ECHDC1: variants seen among roughly 807,000 people sequenced by gnomAD.
ECHDC1 encodes the protein ethylmalonyl-CoA decarboxylase.
ECHDC1 carries 29 observed loss-of-function variants against 29.7 expected under a neutral mutation model. The ratio of observed to expected loss-of-function variants is 0.98; its 90% confidence interval spans 0.73 to 1.33. The LOEUF (loss-of-function observed/expected upper bound fraction) is 1.33. Ranked by LOEUF, ECHDC1 falls within the 40% of genes most tolerant of loss-of-function variation. The probability of loss-of-function intolerance (pLI) is 0.00; values close to 1 mark genes in which losing one functional copy is unlikely to be tolerated. For missense variants in ECHDC1, 328 were observed against 350.0 expected (o/e 0.94, Z 0.50); for synonymous variants, 126 against 123.1 (o/e 1.02, Z -0.15).
chr6:127,336,211 T>C lies in ECHDC1; in HGVS notation c.-2-5181A>G, dbSNP rs555868987. Among the ~76,000 whole-genome samples, 11 of 152,232 alleles carry C rather than the reference T, an allele frequency of 7.2e-5. No homozygotes were observed. In the East Asian group the frequency reaches 1.9e-3, roughly 27 times the overall value. Reference sequence around the variant, plus strand: ...TAATTTAGTGCAATAATAGGTACTTTACCAGTACTACATAAAATTACCGGG... The same window carrying C: ...TAATTTAGTGCAATAATAGGTACTTCACCAGTACTACATAAAATTACCGGG... On this transcript the variant is annotated intron_variant, in intron 1 of 5. Transcript: ENST00000454859.
intron 2 of ECHDC1, among the ~76,000 whole-genome samples, chr6:127,328,823 G>A (rs1043576873): frequency 3.3e-5 from 5 of 152,016 alleles, no homozygotes; most frequent in Non-Finnish European, 7.4e-5. Flanking sequence ...TCAGGAGATC[G>A]AGACCATCCT....
intron 5 of ECHDC1, among the ~76,000 whole-genome samples, chr6:127,310,573 T>C (rs1332444411): frequency 2.0e-5 from 3 of 152,180 alleles, no homozygotes; most frequent in African/African-American, 7.2e-5. Flanking sequence ...TGATAAAACC[T>C]GACTAGATGA....
intron 5 of ECHDC1, among the ~76,000 whole-genome samples, chr6:127,295,666 A>G (rs1214958404): frequency 6.6e-6 from 1 of 152,234 alleles, no homozygotes; most frequent in Admixed American, 6.5e-5. Flanking sequence ...TGCTGGTGGT[A>G]ATATAAATTA....
chr6:127,297,865 T>G (rs1312498504), intron 5 of ECHDC1, among the ~76,000 whole-genome samples: 4 of 152,184 alleles, frequency 2.6e-5, no homozygotes, highest in Admixed American at 2.0e-4. Context: ...CCCTCTCCAC[T>G]ACAAAGAGCT....
chr6:127,297,844 C>G (rs1254056641), intron 5 of ECHDC1, among the ~76,000 whole-genome samples: 1 of 152,078 alleles, frequency 6.6e-6, no homozygotes, highest in African/African-American at 2.4e-5. Flanking sequence ...AAACAGCAAC[C>G]CACTCAGGCC....
chr6:127,297,565 C>G (rs1399727886), intron 5 of ECHDC1, among the ~76,000 whole-genome samples: 2 of 152,164 alleles, frequency 1.3e-5, no homozygotes, highest in African/African-American at 2.4e-5. Flanking sequence ...CAAGGCCCAA[C>G]AGAGAAGCCT....
chr6:127,292,235 T>A (rs2114546738), intron 5 of ECHDC1, among the ~76,000 whole-genome samples: 1 of 152,184 alleles, frequency 6.6e-6, no homozygotes, highest in African/African-American at 2.4e-5. Context: ...GTTAAAGTCC[T>A]AGATGTTGGA....
chr6:127,327,286 G>T (rs982770243), intron 2 of ECHDC1, 142 bp from the exon 3 acceptor site: 20 of 906,826 alleles, frequency 2.2e-5, no homozygotes, highest in Non-Finnish European at 3.2e-5. Flanking sequence ...AATGCCTACT[G>T]CACTGGCACT....
At chr6:127,304,141 G>A (rs2114584736) in intron 5 of ECHDC1, among the ~76,000 whole-genome samples, 1 of 152,308 alleles carries the variant, frequency 6.6e-6, no homozygotes, top group Admixed American at 6.5e-5. Context: ...CCTAGTGGCG[G>A]TGGCCATAGG....
chr6:127,338,366 T>A (rs1453523910), intron 1 of ECHDC1, among the ~76,000 whole-genome samples: 3 of 152,240 alleles, frequency 2.0e-5, no homozygotes, highest in East Asian at 3.9e-4. Context: ...CTCCTTTTAT[T>A]GAGCTCTACT....
chr6:127,317,048 C>T (rs1290186896), intron 3 of ECHDC1, among the ~76,000 whole-genome samples: 1 of 152,040 alleles, frequency 6.6e-6, no homozygotes, highest in African/African-American at 2.4e-5. Flanking sequence ...TGCCTTATCC[C>T]AAAATCTCTC....
At chr6:127,304,891 A>G (rs948937175) in intron 5 of ECHDC1, among the ~76,000 whole-genome samples, 2 of 152,182 alleles carry the variant, frequency 1.3e-5, no homozygotes, top group African/African-American at 2.4e-5. Context: ...AAAAAGATAA[A>G]AAAGCATCCC....
At chr6:127,305,729 C>T (rs1273166151) in intron 5 of ECHDC1, among the ~76,000 whole-genome samples, 3 of 152,000 alleles carry the variant, frequency 2.0e-5, no homozygotes, top group Non-Finnish European at 4.4e-5. Context: ...CAGTTGTTAT[C>T]AGCTTAAAAT....
At chr6:127,329,257 T>C (rs1783682448) in intron 2 of ECHDC1, among the ~76,000 whole-genome samples, 2 of 152,140 alleles carry the variant, frequency 1.3e-5, no homozygotes, top group Admixed American at 1.3e-4. Flanking sequence ...AGTATCTAAC[T>C]GAATGATTTT....
intron 5 of ECHDC1, among the ~76,000 whole-genome samples, chr6:127,306,544 C>T (rs1781455078): frequency 6.6e-6 from 1 of 152,088 alleles, no homozygotes; most frequent in African/African-American, 2.4e-5. Flanking sequence ...GTGTAGTACC[C>T]TTCCCCTTTT....
In ECHDC1 at chr6:127,316,432, A is replaced by C; in HGVS notation, c.416+18T>G. On this transcript the variant is annotated intron_variant, in intron 4 of 5. Coordinates refer to ENST00000454859, the MANE Select transcript of ECHDC1 (RefSeq NM_001002030.2). ...TTGGTCTTTTAGAAATCATATTTTA[A>C]AAAGAAGGCTGCATTACCTCATAAA... The C allele has an allele frequency of 6.3e-7, 1 of 1,592,226 alleles. No homozygotes were observed.
chr6:127,303,231 CA>C (rs1327315987), intron 5 of ECHDC1, among the ~76,000 whole-genome samples: 2 of 149,168 alleles, frequency 1.3e-5, no homozygotes, highest in African/African-American at 4.9e-5. Context: ...TATATGAAGT[CA>C]AAAAAATAAA....
intron 5 of ECHDC1, among the ~76,000 whole-genome samples, chr6:127,310,906 A>G (rs560020173): frequency 9.1e-4 from 139 of 152,240 alleles, no homozygotes; most frequent in African/African-American, 3.2e-3. Flanking sequence ...AATTGAGGCA[A>G]GATTCCCCAC....
At chr6:127,322,690 G>T (rs1292176860) in intron 3 of ECHDC1, among the ~76,000 whole-genome samples, 1 of 151,424 alleles carries the variant, frequency 6.6e-6, no homozygotes, top group African/African-American at 2.4e-5. Flanking sequence ...CAATAAGCAT[G>T]TTTCCACTTC....
Sources: allele counts gnomAD v4.1 joint callset (sites outside exome capture counted in the v4.1 genomes callset), GRCh38; gene constraint gnomAD v4.1.1; transcripts MANE v1.5; gene names NCBI Gene and HGNC (gene_info 2026-07-23, HGNC 2026-07-21).